Variants in HDHD2 observed in about 807,000 individuals in gnomAD.
HDHD2 encodes the protein haloacid dehalogenase like hydrolase domain containing 2.
A neutral mutation model predicts 24.8 loss-of-function variants in HDHD2; 26 were observed. The ratio of observed to expected loss-of-function variants is 1.05; its 90% CI spans 0.77 to 1.45. The LOEUF (loss-of-function observed/expected upper bound fraction) is 1.45. HDHD2 is among the 40% of genes most tolerant of loss of function. HDHD2 has a pLI of 0.00. For synonymous variants in HDHD2, 128 were observed against 114.9 expected, an observed-to-expected ratio of 1.11 and a Z score of -0.73; for missense variants, 299 against 313.4, an observed-to-expected ratio of 0.95 and a Z score of 0.35.
chr18:47,141,610 T>C lies in HDHD2; in HGVS notation c.-10-5161A>G, dbSNP rs1034517117. On this transcript the variant is annotated intron_variant, in intron 1 of 6. Coordinates refer to ENST00000300605, the MANE Select transcript of HDHD2 (RefSeq NM_032124.5). The stretch of plus-strand genomic sequence containing the variant: ...ATCAGTATGGGCTCACAGATATTTA[T>C]TCTATTCTTTGTGCCATAAGCTAAT... 3.3e-5 allele frequency among the ~76,000 whole-genome samples: 5 copies of C among 152,194 alleles called. No individual in the cohort carries two copies. In the East Asian group the frequency reaches 9.6e-4, roughly 29 times the overall value.
chr18:47,149,097 G>GT (rs1341079271), intron 1 of HDHD2: 2 of 152,240 alleles, frequency 1.3e-5, no homozygotes, highest in Admixed American at 6.5e-5. Flanking sequence ...GTTGGGTTAT[G>GT]TATGTGGAGG....
chr18:47,110,989 C>T (rs1159862091), intron 6 of HDHD2: 1 of 984,890 alleles, frequency 1.0e-6, no homozygotes, highest in Non-Finnish European at 1.2e-6. Context: ...AAAATATTTA[C>T]GGTTATTTTC....
At chr18:47,116,634 C>T (rs2063559788) in intron 4 of HDHD2, among the ~76,000 whole-genome samples, 1 of 152,106 alleles carries the variant, frequency 6.6e-6, no homozygotes, top group African/African-American at 2.4e-5. Context: ...TCTTGAAATA[C>T]AACTATTAGG....
chr18:47,122,948 T>G (rs2063621028), intron 4 of HDHD2, among the ~76,000 whole-genome samples: 1 of 152,134 alleles, frequency 6.6e-6, no homozygotes, highest in Non-Finnish European at 1.5e-5. Flanking sequence ...ACTGACCTAG[T>G]AAGAAATACT....
chr18:47,123,832 C>A (rs1195554637), intron 4 of HDHD2, among the ~76,000 whole-genome samples: 1 of 152,146 alleles, frequency 6.6e-6, no homozygotes, highest in African/African-American at 2.4e-5. Flanking sequence ...AAGGATCAAA[C>A]TCCCAGCAGG....
chr18:47,110,428 C>A, intron 6 of HDHD2: 1 of 985,278 alleles, frequency 1.0e-6, no homozygotes. Context: ...AACTCCTTCA[C>A]AAGGTTTCTA....
At chr18:47,142,410 G>A (rs752485515) in intron 1 of HDHD2, among the ~76,000 whole-genome samples, 16 of 152,010 alleles carry the variant, frequency 1.1e-4, no homozygotes, top group Non-Finnish European at 1.8e-4. Context: ...TATTGACCCT[G>A]TGCTAGGGGA....
intron 1 of HDHD2, among the ~76,000 whole-genome samples, chr18:47,138,575 A>C (rs1305054991): frequency 6.6e-6 from 1 of 152,236 alleles, no homozygotes; most frequent in Non-Finnish European, 1.5e-5. Flanking sequence ...CAACATAAAA[A>C]GTTTGAGAAA....
chr18:47,139,767 C>A (rs2063803256), intron 1 of HDHD2, among the ~76,000 whole-genome samples: 1 of 152,202 alleles, frequency 6.6e-6, no homozygotes, highest in Non-Finnish European at 1.5e-5. Flanking sequence ...TGCTGCAGAA[C>A]TGATTGCTTG....
intron 1 of HDHD2, among the ~76,000 whole-genome samples, chr18:47,146,896 C>T (rs75051592): frequency 0.041 from 6,179 of 152,170 alleles, 223 homozygotes; most frequent in Non-Finnish European, 0.058. Flanking sequence ...CCAAGAGGAG[C>T]GCAAAGGGAG....
intron 6 of HDHD2, chr18:47,111,399 G>T (rs2063515231): frequency 1.5e-5 from 14 of 955,624 alleles, no homozygotes; most frequent in Admixed American, 6.3e-5. Context: ...AAGAAAGAAA[G>T]AAATACTCAT....
At chr18:47,150,165 G>GC (rs2063916059) in intron 1 of HDHD2, 1 of 152,362 alleles carries the variant, frequency 6.6e-6, no homozygotes, top group Non-Finnish European at 1.5e-5. Flanking sequence ...AGCGCGCCTC[G>GC]CGCCCAGCTA....
Position 47,134,555 on chromosome 18 carries a change from T to C in HDHD2, c.251A>G (p.Glu84Gly). Reference sequence around the variant, plus strand: ...CAGCATGGGTCTGACTTGTTTCCGCTCTAGTAAACTTCTGGCTGCAGTCAG... The same window carrying C: ...CAGCATGGGTCTGACTTGTTTCCGCCCTAGTAAACTTCTGGCTGCAGTCAG... ...TSLTAARSLLERKQVRPMLLV... is the reference protein window; with the variant it reads ...TSLTAARSLLGRKQVRPMLLV... Residue 84 changes from glutamate (E) to glycine (G), a missense_variant, in exon 3 of 7, where the codon GAG becomes GGG. Coordinates refer to ENST00000300605, the MANE Select transcript of HDHD2 (RefSeq NM_032124.5). 1 of 1,614,162 alleles carries C rather than the reference T, an allele frequency of 6.2e-7. No homozygotes were observed.
chr18:47,116,208 C>A (rs1225309228), intron 4 of HDHD2, among the ~76,000 whole-genome samples: 1 of 152,190 alleles, frequency 6.6e-6, no homozygotes, highest in Non-Finnish European at 1.5e-5. Flanking sequence ...AGTCACATGG[C>A]AGAAGTACTC....
intron 4 of HDHD2, among the ~76,000 whole-genome samples, chr18:47,124,706 CAAAAAAAA>C (rs34350751): frequency 2.3e-4 from 10 of 43,370 alleles, no homozygotes; most frequent in Admixed American, 3.3e-4. Flanking sequence ...AACTCTGACT[CAAAAAAAA>C]AAAAAAAAAA....
intron 1 of HDHD2, among the ~76,000 whole-genome samples, chr18:47,143,252 G>A (rs998331104): frequency 1.3e-5 from 2 of 152,198 alleles, no homozygotes; most frequent in Admixed American, 6.5e-5. Context: ...AGGAGTTCGA[G>A]ACCAGCCTGG....
intron 3 of HDHD2, 113 bp downstream of exon 3, chr18:47,134,383 T>C (rs183381335): frequency 7.6e-6 from 6 of 792,024 alleles, no homozygotes; most frequent in Admixed American, 5.5e-5. Flanking sequence ...TATTATCAAA[T>C]ATTTCAAGAA....
intron 1 of HDHD2, among the ~76,000 whole-genome samples, chr18:47,138,570 TAAAA>T (rs1368922065): frequency 6.6e-6 from 1 of 152,178 alleles, no homozygotes; most frequent in African/African-American, 2.4e-5. Flanking sequence ...ACTTTCAACA[TAAAA>T]AGTTTGAGAA....
chr18:47,147,329 G>C (rs558215028), intron 1 of HDHD2, among the ~76,000 whole-genome samples: 4 of 152,234 alleles, frequency 2.6e-5, no homozygotes, highest in Admixed American at 2.6e-4. Flanking sequence ...TTCTATTTCT[G>C]ATCTTTATTG....
Sources: gnomAD v4.1 joint callset for allele counts (sites outside exome capture counted in the v4.1 genomes callset) on GRCh38, gnomAD v4.1.1 for gene constraint, MANE v1.5 for transcripts, NCBI Gene and HGNC (gene_info 2026-07-23, HGNC 2026-07-21) for gene names.